Variants in MYOM1 observed in about 807,000 individuals in gnomAD.
MYOM1 encodes the protein myomesin-1.
In MYOM1, 164 loss-of-function variants were observed where a neutral mutation model predicts 205.3. The observed-to-expected ratio is 0.80, with a 90% confidence interval of 0.70 to 0.91. The LOEUF is 0.91. MYOM1 is among the 40% of genes least tolerant of loss of function. The probability of loss-of-function intolerance (pLI) is 0.00; values close to 1 mark genes in which losing one functional copy is unlikely to be tolerated. For synonymous variants in MYOM1, 772 were observed against 789.4 expected, an observed-to-expected ratio of 0.98 and a Z score of 0.37; for missense variants, 2,011 against 2,127.3, an observed-to-expected ratio of 0.95 and a Z score of 1.08.
chr18:3,203,668 C>T (rs1424032411), intron 2 of MYOM1, among the ~76,000 whole-genome samples: 1 of 150,992 alleles, frequency 6.6e-6, no homozygotes, highest in African/African-American at 2.4e-5. Context: ...AAGTCCATGC[C>T]CAAATAGCTT....
chr18:3,186,826 G>A (rs12960627), intron 5 of MYOM1, among the ~76,000 whole-genome samples: 6 of 86,244 alleles, frequency 7.0e-5, no homozygotes, highest in South Asian at 3.5e-4. Context: ...GAAAGAAAGA[G>A]AAAGAAAGAA....
chr18:3,216,257 A>T (rs2081265761), intron 1 of MYOM1, among the ~76,000 whole-genome samples: 1 of 152,104 alleles, frequency 6.6e-6, no homozygotes, highest in Admixed American at 6.5e-5. Context: ...ACAGAGAAAG[A>T]CTCTGTCTCA....
chr18:3,163,605 A>G (rs1426175690), intron 10 of MYOM1, among the ~76,000 whole-genome samples: 1 of 151,928 alleles, frequency 6.6e-6, no homozygotes, highest in Non-Finnish European at 1.5e-5. Flanking sequence ...AGCGCGCACC[A>G]CCATGCCCGG....
Position 3,215,903 on chromosome 18 carries a change from A to G in MYOM1, c.-28-652T>C, listed in dbSNP as rs187729628. 5.1e-3 allele frequency among the ~76,000 whole-genome samples: 784 copies of G among 152,240 alleles called. 24 individuals carry two copies. Among genetic ancestry groups the G allele is most frequent in the Admixed American group, 0.047 (711 of 15,290 alleles). On this transcript the variant is annotated intron_variant, in intron 1 of 37. Coordinates refer to ENST00000356443, the MANE Select transcript of MYOM1 (RefSeq NM_003803.4). ...TTTGGGAGAATGTGGAAGGATAGAG[A>G]GTCATGTGGTGTTCATTCAACAAAT...
chr18:3,122,183 T>G (rs1005006763), intron 19 of MYOM1, among the ~76,000 whole-genome samples: 9 of 113,718 alleles, frequency 7.9e-5, no homozygotes, highest in South Asian at 3.2e-4. Flanking sequence ...GATATTAGTT[T>G]TTTTTTTTTT....
At chr18:3,123,390 AT>A (rs1403968559) in intron 19 of MYOM1, among the ~76,000 whole-genome samples, 5 of 152,126 alleles carry the variant, frequency 3.3e-5, no homozygotes, top group African/African-American at 1.2e-4. Flanking sequence ...TGATATAAAA[AT>A]ATACTGAAAA....
chr18:3,069,390 G>A (rs919753514), intron 37 of MYOM1, among the ~76,000 whole-genome samples: 2 of 152,014 alleles, frequency 1.3e-5, no homozygotes, highest in Non-Finnish European at 2.9e-5. Flanking sequence ...AAAGAACTAG[G>A]GCTCACAATG....
At chr18:3,096,189 C>T (rs2079301222) in intron 25 of MYOM1, among the ~76,000 whole-genome samples, 1 of 152,164 alleles carries the variant, frequency 6.6e-6, no homozygotes, top group Non-Finnish European at 1.5e-5. Flanking sequence ...GGAGCAGGCT[C>T]CAGAGGCAGA....
chr18:3,148,524 A>G (rs1163738857), intron 13 of MYOM1, among the ~76,000 whole-genome samples: 3 of 152,106 alleles, frequency 2.0e-5, no homozygotes, highest in Non-Finnish European at 2.9e-5. Context: ...GGGGAAATTT[A>G]GGGGTGACAA....
chr18:3,171,556 C>A (rs145865517), intron 8 of MYOM1, among the ~76,000 whole-genome samples: 1 of 151,982 alleles, frequency 6.6e-6, no homozygotes, highest in African/African-American at 2.4e-5. Context: ...TTCGTTGTCA[C>A]GTCCTCAATC....
intron 12 of MYOM1, among the ~76,000 whole-genome samples, chr18:3,150,002 T>C (rs1451006908): frequency 6.6e-6 from 1 of 151,886 alleles, no homozygotes; most frequent in Non-Finnish European, 1.5e-5. Flanking sequence ...TGGTGAAGAG[T>C]GACTGAAGAG....
At chr18:3,169,090 A>C in intron 8 of MYOM1, 109 bp from the exon 9 acceptor site, 3 of 885,680 alleles carry the variant, frequency 3.4e-6, no homozygotes, top group Non-Finnish European at 5.1e-6. Context: ...AAATGAACAA[A>C]TGAGCAAATG....
At chr18:3,081,442 A>G (rs1465899152) in intron 33 of MYOM1, among the ~76,000 whole-genome samples, 2 of 152,212 alleles carry the variant, frequency 1.3e-5, no homozygotes, top group Non-Finnish European at 2.9e-5. Context: ...CCTGAATGTC[A>G]TAGGTACACG....
chr18:3,115,323 T>C (rs1291671646), intron 21 of MYOM1, among the ~76,000 whole-genome samples: 1 of 152,204 alleles, frequency 6.6e-6, no homozygotes, highest in Non-Finnish European at 1.5e-5. Context: ...TTGGGTATAA[T>C]GGTTTATGGG....
intron 22 of MYOM1, among the ~76,000 whole-genome samples, chr18:3,111,846 T>C (rs988603936): frequency 4.6e-5 from 7 of 152,120 alleles, no homozygotes; most frequent in Non-Finnish European, 1.0e-4. Flanking sequence ...ACAGAAAAAG[T>C]TTGCTGACCT....
chr18:3,190,080 C>G (rs1047386762), intron 3 of MYOM1, among the ~76,000 whole-genome samples: 1 of 150,786 alleles, frequency 6.6e-6, no homozygotes, highest in Non-Finnish European at 1.5e-5. Context: ...ATAAATGTGA[C>G]TCGTTATTAT....
chr18:3,235,947 G>C, the MYOM1 span, among the ~76,000 whole-genome samples: 1 of 152,198 alleles, frequency 6.6e-6, no homozygotes, highest in Non-Finnish European at 1.5e-5. Flanking sequence ...AAATGCAAAG[G>C]TCTTGAGGTG....
intron 33 of MYOM1, 23 bp downstream of exon 33, chr18:3,083,766 C>T: frequency 6.5e-7 from 1 of 1,535,668 alleles, no homozygotes. Context: ...TTCTACACAG[C>T]AAGTAAGTTC....
chr18:3,208,463 C>T (rs1567969229), intron 2 of MYOM1, among the ~76,000 whole-genome samples: 1 of 152,154 alleles, frequency 6.6e-6, no homozygotes, highest in Non-Finnish European at 1.5e-5. Context: ...GTGGAGGTTG[C>T]AGTGAGCTGA....
Sources: gnomAD v4.1 joint callset for allele counts (sites outside exome capture counted in the v4.1 genomes callset) on GRCh38, gnomAD v4.1.1 for gene constraint, MANE v1.5 for transcripts, NCBI Gene and HGNC (gene_info 2026-07-23, HGNC 2026-07-21) for gene names.